The following SH2D3A variants were observed in gnomAD, a reference collection of about 807,000 sequenced individuals.
SH2D3A encodes SH2 domain-containing protein 3A.
Under a neutral mutation model 50.6 loss-of-function variants are expected in SH2D3A, and 46 were observed. The ratio of observed to expected loss-of-function variants is 0.91; its 90% CI spans 0.72 to 1.16. The LOEUF is 1.16. Among genes scored for constraint, SH2D3A ranks in the 50% most tolerant of loss-of-function variants. The pLI, the probability that SH2D3A is intolerant of heterozygous loss-of-function variation, is 0.00. For missense variants in SH2D3A, 783 were observed against 786.2 expected (o/e 1.00, Z 0.05); for synonymous variants, 377 against 348.4 (o/e 1.08, Z -0.91).
At chr19:6,759,817 G>A in intron 3 of SH2D3A, 147 bp from the exon 4 acceptor site, 3 of 686,476 alleles carry the variant, frequency 4.4e-6, no homozygotes, top group Non-Finnish European at 7.4e-6. Context: ...TTAGCAACGT[G>A]TGGAGACATC....
intron 2 of SH2D3A, 34 bp from the exon 3 acceptor site, chr19:6,761,021 G>A (rs1241760745): frequency 6.5e-7 from 1 of 1,542,762 alleles, no homozygotes; most frequent in Non-Finnish European, 8.8e-7. Flanking sequence ...GGGGAATTAG[G>A]AATGAGTCCA....
chr19:6,755,372 CG>C, intron 4 of SH2D3A, 57 bp from the exon 5 acceptor site: 1 of 1,274,092 alleles, frequency 7.8e-7, no homozygotes, highest in South Asian at 2.2e-5. Flanking sequence ...GCTGAATGGG[CG>C]GGGGTGAGAG....
chr19:6,755,838 G>A (rs1969636047), intron 4 of SH2D3A, among the ~76,000 whole-genome samples: 2 of 151,688 alleles, frequency 1.3e-5, no homozygotes, highest in Admixed American at 1.3e-4. Flanking sequence ...CAGCATTTTG[G>A]GAGGCCAAGG....
chr19:6,752,589 G>C lies in SH2D3A; in HGVS notation c.*4C>G, dbSNP rs1568259957. The C allele has an allele frequency of 2.6e-6, 4 of 1,541,306 alleles. No homozygotes were observed. Among genetic ancestry groups the C allele is most frequent in the Non-Finnish European group, 3.5e-6 (4 of 1,140,130 alleles). ...CCCGGGTGTGAAGAAGGGTGTCTGCGCTCTCAGCGGTCAGGCTCCAGGCGC... is the reference window on the plus strand; with the variant it reads ...CCCGGGTGTGAAGAAGGGTGTCTGCCCTCTCAGCGGTCAGGCTCCAGGCGC... On this transcript the variant is annotated 3_prime_UTR_variant, in exon 10 of 10. Coordinates refer to ENST00000245908, the MANE Select transcript of SH2D3A (RefSeq NM_005490.3).
intron 4 of SH2D3A, among the ~76,000 whole-genome samples, chr19:6,757,133 G>A (rs1555695079): frequency 6.6e-6 from 1 of 151,638 alleles, no homozygotes; most frequent in Non-Finnish European, 1.5e-5. Context: ...CCAAAGTGCT[G>A]GGATTACAGG....
intron 2 of SH2D3A, among the ~76,000 whole-genome samples, chr19:6,761,504 A>G (rs868027611): frequency 3.3e-5 from 5 of 152,062 alleles, no homozygotes; most frequent in Non-Finnish European, 5.9e-5. Context: ...ATGCTGACCA[A>G]TGCAACATCT....
Position 6,752,741 on chromosome 19 carries a change from T to C in SH2D3A, c.1583A>G (p.Asn528Ser). The C allele has an allele frequency of 6.5e-7, 1 of 1,544,024 alleles. No homozygotes were observed. The highest frequency in any genetic ancestry group is 8.8e-7 in the Non-Finnish European group (1 of 1,142,198). ...GGTCAGGGCCTCCCTCAGCTCCGGG[T>C]TAGGCCGGAATCCTGGAAGCAAGGT... ...AAQRLRGFRP[N>S]PELREALTTG... is the part of the protein sequence containing the mutation. The change falls in exon 10 of 10, where the codon AAC becomes AGC. Residue 528 changes from asparagine to serine, a missense_variant. By Grantham distance (46) the Asn-to-Ser change is conservative. Transcript: ENST00000245908.
In SH2D3A at chr19:6,755,772, G is replaced by A. The variant is rs565748256; in HGVS notation, c.497-457C>T. Among the ~76,000 whole-genome samples the A allele has an allele frequency of 3.4e-4, 51 of 151,730 alleles. 1 individual carries two copies. Among genetic ancestry groups the A allele is most frequent in the Middle Eastern group, 6.8e-3 (2 of 294 alleles). On this transcript the variant is annotated intron_variant, in intron 4 of 9. Transcript: ENST00000245908. The stretch of plus-strand genomic sequence containing the variant: ...GAAAGATGGTAAGCAGTGACCCAAC[G>A]AAATTAAAAATTTTTTTAAAAAAAG...
rs1038578419 is a variant in SH2D3A at position 6,757,180 on chromosome 19, C to T, written c.497-1865G>A. Reference sequence around the variant, plus strand: ...TGGACTATTAGTACTTAAAACTGTACTAAGACTTTTGGGAGACTGTATTTA... The same window carrying T: ...TGGACTATTAGTACTTAAAACTGTATTAAGACTTTTGGGAGACTGTATTTA... On this transcript the variant is annotated intron_variant, in intron 4 of 9. Coordinates refer to ENST00000245908, the MANE Select transcript of SH2D3A (RefSeq NM_005490.3). 2.6e-5 allele frequency: 4 copies of T among 151,410 alleles called. No individual in the cohort carries two copies. The South Asian group carries it at 6.3e-4, about 24-fold the overall frequency. 9.4% of individuals were successfully genotyped at this position (151,410 alleles called of 1,614,324 possible).
At chr19:6,753,422 G>A (rs1458143593) in intron 9 of SH2D3A, 34 bp downstream of exon 9, 2 of 1,447,560 alleles carry the variant, frequency 1.4e-6, no homozygotes, top group Non-Finnish European at 1.8e-6. Flanking sequence ...AGGGTGCTCT[G>A]AAGTCTGCAG....
In SH2D3A at chr19:6,754,935, G is replaced by A; in HGVS notation, c.877C>T (p.Gln293Ter). Reference sequence around the variant, plus strand: ...ACTTGGGGTTCCAGGGGCCGATTCTGGGGGCCCAGCAGGCAGGAGGGGGCA... The same window carrying A: ...ACTTGGGGTTCCAGGGGCCGATTCTAGGGGCCCAGCAGGCAGGAGGGGGCA... ...HDAPSCLLGP[Q>*]NRPLEPQVLH... The change falls in exon 5 of 10, where the codon CAG becomes TAG. Residue 293 changes from glutamine to a stop codon, truncating the protein, a stop_gained. Transcript: ENST00000245908. LOFTEE classifies it high-confidence loss of function. The A allele has an allele frequency of 1.9e-6, 3 of 1,613,436 alleles. No homozygotes were observed. Among genetic ancestry groups the A allele is most frequent in the Non-Finnish European group, 2.5e-6 (3 of 1,179,590 alleles).
chr19:6,752,890 G>A, intron 9 of SH2D3A, 137 bp from the exon 10 acceptor site: 2 of 1,407,594 alleles, frequency 1.4e-6, no homozygotes, highest in Non-Finnish European at 1.9e-6. Flanking sequence ...CCTGCGGGAT[G>A]ACTAGGCGGG....
At chr19:6,756,716 G>A (rs553208690) in intron 4 of SH2D3A, among the ~76,000 whole-genome samples, 12 of 151,962 alleles carry the variant, frequency 7.9e-5, no homozygotes, top group Admixed American at 7.2e-4. Context: ...AACAGTGCCT[G>A]GCTCACTCTG....
chr19:6,761,954 CA>C (rs111334954), intron 2 of SH2D3A, among the ~76,000 whole-genome samples: 45 of 67,466 alleles, frequency 6.7e-4, no homozygotes, highest in East Asian at 1.1e-3. Context: ...GTCTCAAAAA[CA>C]AAAAAAAAAC....
rs368693543 is a variant in SH2D3A, at chr19:6,754,901, G to A, written c.911C>T (p.Thr304Ile). 3.3e-5 allele frequency: 53 copies of A among 1,608,312 alleles called. No homozygotes were observed. The highest frequency in any genetic ancestry group is 3.7e-5 in the Non-Finnish European group (44 of 1,176,580). ...GTGCTCCAGGAACAGGCCACGGAGG[G>A]TATGCAGGACTTGGGGTTCCAGGGG... ...NRPLEPQVLH[T>I]LRGLFLEHHP... is the part of the protein sequence containing the mutation. Residue 304 changes from threonine to isoleucine, a missense_variant, in exon 5 of 10, where the codon ACC (threonine) becomes ATC (isoleucine). Thr to Ile is a moderately conservative substitution (Grantham distance 89). Coordinates refer to ENST00000245908, the MANE Select transcript of SH2D3A (RefSeq NM_005490.3).
chr19:6,753,638 G>A lies in SH2D3A; in HGVS notation c.1388C>T (p.Pro463Leu), dbSNP rs1373705620. ...LMRALDEGAG[P>L]CDPGEVALPH... ...CAGCGCCACCTCGCCGGGGTCGCAG[G>A]GTCCTGCGGAGGGGGAGGGTCTGAT... Residue 463 changes from proline (P) to leucine (L), a missense_variant, in exon 9 of 10, where the codon CCC becomes CTC. Coordinates refer to ENST00000245908, the MANE Select transcript of SH2D3A (RefSeq NM_005490.3). 3 of 1,570,298 alleles carry A rather than the reference G, an allele frequency of 1.9e-6. No individual in the cohort carries two copies. Among genetic ancestry groups the A allele is most frequent in the Non-Finnish European group, 2.6e-6 (3 of 1,159,540 alleles).
Position 6,754,327 on chromosome 19 carries a change from G to T in SH2D3A, c.1196C>A (p.Ala399Glu), listed in dbSNP as rs758241069. The change falls in exon 7 of 10, where the codon GCG (alanine) becomes GAG (glutamate). Residue 399 changes from alanine to glutamate, a missense_variant. Transcript: ENST00000245908. ...CGCCGCCCCTGGCCGCAGCGCCAGC[G>T]CCAGCTCTACCAGTCCCCTCAGTGC... ...AAALRGLVELALALRPGAAGD... is the reference protein window; with the variant it reads ...AAALRGLVELELALRPGAAGD... 6.4e-7 allele frequency: 1 copy of T among 1,572,798 alleles called. No homozygotes were observed. Among genetic ancestry groups the T allele is most frequent in the South Asian group, 1.1e-5 (1 of 88,202 alleles).
intron 8 of SH2D3A, 115 bp from the exon 9 acceptor site, chr19:6,753,756 G>C: frequency 1.7e-6 from 2 of 1,166,856 alleles, no homozygotes; most frequent in Non-Finnish European, 2.3e-6. Flanking sequence ...AGCGGGGTCT[G>C]TGGAGAGGGG....
chr19:6,761,036 A>T (rs1316262899), intron 2 of SH2D3A, 49 bp from the exon 3 acceptor site: 1 of 1,436,658 alleles, frequency 7.0e-7, no homozygotes. Context: ...AGTCCAGGGC[A>T]GTGGTTAATG....
Sources: allele counts gnomAD v4.1 joint callset (sites outside exome capture counted in the v4.1 genomes callset), GRCh38; gene constraint gnomAD v4.1.1; transcripts MANE v1.5; gene names NCBI Gene and HGNC (gene_info 2026-07-23, HGNC 2026-07-21).